The following BLTP1 variants were observed in gnomAD, a reference collection of about 807,000 sequenced individuals.
BLTP1 encodes the protein fragile site-associated protein.
the BLTP1 span, among the ~76,000 whole-genome samples, chr4:122,178,517 C>T: frequency 6.6e-6 from 1 of 152,190 alleles, no homozygotes; most frequent in African/African-American, 2.4e-5. Flanking sequence ...AGATTCTCTC[C>T]TTTCAATATA....
chr4:122,272,769 T>C, the BLTP1 span, among the ~76,000 whole-genome samples: 2 of 152,074 alleles, frequency 1.3e-5, no homozygotes, highest in East Asian at 1.9e-4. Context: ...AGAAATCTTA[T>C]AATCTAATAC....
the BLTP1 span, chr4:122,316,554 T>C: frequency 1.3e-6 from 1 of 777,634 alleles, no homozygotes; most frequent in Non-Finnish European, 2.1e-6. Context: ...GAAACGTAGG[T>C]AGCAACTAAA....
At chr4:122,153,067 C>G in the BLTP1 span, 1 of 979,132 alleles carries the variant, frequency 1.0e-6, no homozygotes, top group South Asian at 4.7e-5. Context: ...CTGCACTGCA[C>G]TCTAGAAGAC....
chr4:122,361,994 T>C, the BLTP1 span: 2 of 1,583,870 alleles, frequency 1.3e-6, no homozygotes, highest in Non-Finnish European at 1.7e-6. Context: ...CTTTAGGGCA[T>C]TACACTCCTT....
chr4:122,173,135 A>G, the BLTP1 span: 1 of 1,611,788 alleles, frequency 6.2e-7, no homozygotes, highest in Non-Finnish European at 8.5e-7. Flanking sequence ...TTATACAAGC[A>G]TGGCTATATC....
the BLTP1 span, among the ~76,000 whole-genome samples, chr4:122,292,099 T>C: frequency 6.6e-6 from 1 of 151,712 alleles, no homozygotes; most frequent in Non-Finnish European, 1.5e-5. Flanking sequence ...GCCTCCCAAG[T>C]AGCTGGGACT....
the BLTP1 span, among the ~76,000 whole-genome samples, chr4:122,262,347 A>G: frequency 6.6e-6 from 1 of 152,162 alleles, no homozygotes; most frequent in Non-Finnish European, 1.5e-5. Context: ...CATGCTATGT[A>G]TAACTTTCTG....
chr4:122,210,037 A>G, the BLTP1 span: 1 of 1,408,408 alleles, frequency 7.1e-7, no homozygotes, highest in Non-Finnish European at 9.4e-7. Context: ...CATAGTATAA[A>G]TATAGTCTTA....
chr4:122,237,938 G>C, the BLTP1 span: 1 of 379,124 alleles, frequency 2.6e-6, no homozygotes, highest in Non-Finnish European at 3.5e-6. Context: ...AGCCAAGATC[G>C]TGCCACTGTA....
chr4:122,291,408 C>T, the BLTP1 span, among the ~76,000 whole-genome samples: 1 of 152,196 alleles, frequency 6.6e-6, no homozygotes, highest in Non-Finnish European at 1.5e-5. Flanking sequence ...GTACTCTGAT[C>T]TCTGTATTGC....
the BLTP1 span, among the ~76,000 whole-genome samples, chr4:122,185,822 T>C: frequency 1.3e-5 from 2 of 152,114 alleles, no homozygotes; most frequent in Non-Finnish European, 2.9e-5. Flanking sequence ...ATTAAAGTTG[T>C]TTTTAGAATG....
chr4:122,281,658 A>C, the BLTP1 span: 1 of 1,613,538 alleles, frequency 6.2e-7, no homozygotes, highest in Non-Finnish European at 8.5e-7. Context: ...TTAGAAAAGA[A>C]GCCTATTGTT....
At chr4:122,240,213 C>G in the BLTP1 span, 1 of 1,614,156 alleles carries the variant, frequency 6.2e-7, no homozygotes. Flanking sequence ...TACTCAGTTC[C>G]AGGTAATTAA....
the BLTP1 span, chr4:122,234,971 G>A: frequency 9.3e-6 from 15 of 1,612,626 alleles, no homozygotes; most frequent in African/African-American, 5.4e-5. Flanking sequence ...GACAGTCTCT[G>A]CTACAGCCTG....
the BLTP1 span, chr4:122,201,034 G>T: frequency 6.2e-7 from 1 of 1,613,018 alleles, no homozygotes; most frequent in African/African-American, 1.3e-5. Context: ...AGCTACCCCC[G>T]AATATGGAAC....
chr4:122,301,262 T>TA, the BLTP1 span: 16,241 of 1,317,474 alleles, frequency 0.012, 413 homozygotes, highest in African/African-American at 0.13. Flanking sequence ...TTTTTTTCTT[T>TA]AAAAAAAAAA....
chr4:122,353,796 ATTT>A, the BLTP1 span: 1 of 1,599,044 alleles, frequency 6.3e-7, no homozygotes, highest in Admixed American at 1.7e-5. This position sits in a 1 kb window ranked among gnomAD's most constrained non-coding sequence, Gnocchi z 4.3. Flanking sequence ...TTAAAAAAGT[ATTT>A]TTATTTTGTT....
the BLTP1 span, chr4:122,336,960 G>A: frequency 2.2e-3 from 3,473 of 1,611,842 alleles, 5 homozygotes; most frequent in Non-Finnish European, 2.4e-3. Flanking sequence ...CACTAGTGTC[G>A]TCTTCAACAT....
the BLTP1 span, among the ~76,000 whole-genome samples, chr4:122,163,923 T>C: frequency 6.6e-6 from 1 of 152,208 alleles, no homozygotes; most frequent in African/African-American, 2.4e-5. Flanking sequence ...ATCTCTTTTG[T>C]TTTAGTGTTC....
Sources: gnomAD v4.1 joint callset for allele counts (sites outside exome capture counted in the v4.1 genomes callset) on GRCh38, gnomAD v4.1.1 for gene constraint, Gnocchi (gnomAD v3.1) non-coding constraint, MANE v1.5 for transcripts, NCBI Gene and HGNC (gene_info 2026-07-23, HGNC 2026-07-21) for gene names.